POU2F2: variants seen among roughly 807,000 people sequenced by gnomAD.
POU2F2 encodes POU domain, class 2, transcription factor 2.
In POU2F2, 14 loss-of-function variants were observed where a neutral mutation model predicts 63.5. That is an observed-to-expected ratio of 0.22 (90% CI 0.15 to 0.34). The LOEUF (loss-of-function observed/expected upper bound fraction) is 0.34, where lower values mean the gene tolerates loss of function less well. Among genes scored for constraint, POU2F2 ranks in the 10% least tolerant of loss-of-function variants. The probability of loss-of-function intolerance (pLI) is 1.00; values close to 1 mark genes in which losing one functional copy is unlikely to be tolerated. For synonymous variants in POU2F2, 306 were observed against 348.6 expected (o/e 0.88, Z 1.36); for missense variants, 607 against 815.2 (o/e 0.74, Z 3.11).
At chr19:42,125,984 T>C (rs2033162203) in intron 1 of POU2F2, among the ~76,000 whole-genome samples, 1 of 152,210 alleles carries the variant, frequency 6.6e-6, no homozygotes, top group East Asian at 1.9e-4. Context: ...ACACTCATCC[T>C]TAACCTCTGC....
At chr19:42,161,594 AAG>A (rs1253313710) in intron 1 of POU2F2, among the ~76,000 whole-genome samples, 1 of 151,380 alleles carries the variant, frequency 6.6e-6, no homozygotes, top group Non-Finnish European at 1.5e-5. Flanking sequence ...GGGAGAGAGA[AAG>A]AGAAGAGATG....
chr19:42,185,443 A>T (rs1281622513), intron 1 of POU2F2, among the ~76,000 whole-genome samples: 1 of 151,842 alleles, frequency 6.6e-6, no homozygotes, highest in Non-Finnish European at 1.5e-5. Context: ...CAAAAGCCAA[A>T]CTCCTTAGTC....
chr19:42,095,758 C>T lies in POU2F2; in HGVS notation c.871+30G>A, dbSNP rs1398349213. 1.2e-6 allele frequency: 2 copies of T among 1,613,538 alleles called. No homozygotes were observed. Among genetic ancestry groups the T allele is most frequent in the Admixed American group, 3.3e-5 (2 of 60,004 alleles). ...CCGCGGCCAGCGGCCACTGCCCGCC[C>T]CCTACGCGGGAACCCCAGCCTGGTC... is the stretch of plus-strand genomic sequence containing the variant. On this transcript the variant is annotated intron_variant, in intron 9 of 14. Coordinates refer to ENST00000692977, the MANE Select transcript of POU2F2 (RefSeq NM_001394376.1). This position sits in a 1 kb window ranked among gnomAD's most constrained non-coding sequence, Gnocchi z 7.1.
chr19:42,161,825 G>C lies in POU2F2; in HGVS notation c.-69-1433C>G, dbSNP rs529103747. On this transcript the variant is annotated intron_variant, in intron 1 of 6. Coordinates refer to the POU2F2 transcript ENST00000524801. Reference sequence around the variant, plus strand: ...GAGCTGGGGTTGCTCCCCGCTCAGGGGCTGCTTCCCCCCAGCCCCCGCCCT... The same window carrying C: ...GAGCTGGGGTTGCTCCCCGCTCAGGCGCTGCTTCCCCCCAGCCCCCGCCCT... Among the ~76,000 whole-genome samples, 337 of 152,218 alleles carry C rather than the reference G, an allele frequency of 2.2e-3. 2 individuals are homozygous for C. The highest frequency in any genetic ancestry group is 6.7e-3 in the Admixed American group (102 of 15,288).
At chr19:42,148,316 A>T (rs766186197) in intron 2 of POU2F2, among the ~76,000 whole-genome samples, 2 of 152,218 alleles carry the variant, frequency 1.3e-5, no homozygotes, top group African/African-American at 2.4e-5. Context: ...TTTGACGGTA[A>T]TGCCAAAAAA....
At chr19:42,173,355 C>T (rs538114903) in intron 1 of POU2F2, among the ~76,000 whole-genome samples, 3 of 152,066 alleles carry the variant, frequency 2.0e-5, no homozygotes, top group African/African-American at 4.8e-5. Flanking sequence ...CTGCTCCCCT[C>T]GTTGCAAGTC....
intron 5 of POU2F2, among the ~76,000 whole-genome samples, chr19:42,102,140 C>T (rs948681974): frequency 5.3e-5 from 8 of 152,120 alleles, no homozygotes; most frequent in African/African-American, 1.7e-4. Context: ...ATAGCCCAAG[C>T]GCGCACAACA....
intron 1 of POU2F2, among the ~76,000 whole-genome samples, chr19:42,161,749 A>G (rs2034555361): frequency 6.6e-6 from 1 of 152,120 alleles, no homozygotes; most frequent in African/African-American, 2.4e-5. Flanking sequence ...CTGGGCCTTC[A>G]TCTTCAGGGG....
intron 5 of POU2F2, among the ~76,000 whole-genome samples, chr19:42,102,953 C>T (rs1033303016): frequency 6.6e-6 from 1 of 152,110 alleles, no homozygotes; most frequent in Non-Finnish European, 1.5e-5. Flanking sequence ...ATACTGAGGC[C>T]TGTGTTCATC....
chr19:42,128,582 G>A (rs536988844), intron 1 of POU2F2, among the ~76,000 whole-genome samples: 1 of 152,232 alleles, frequency 6.6e-6, no homozygotes, highest in African/African-American at 2.4e-5. Context: ...GAATGAACAG[G>A]GAGCTCCATT....
chr19:42,152,231 C>T lies in POU2F2; in HGVS notation c.-9+8101G>A, dbSNP rs2034366466. The stretch of plus-strand genomic sequence containing the variant: ...AAGAGACAGAAGGAAACAGGCAGAT[C>T]TTCTGTGCTTAAATTCTCCTATGAA... On this transcript the variant is annotated intron_variant, in intron 2 of 6. Transcript: ENST00000524801. This position sits in a 1 kb window ranked among gnomAD's most constrained non-coding sequence, Gnocchi z 4.1. 6.6e-6 allele frequency among the ~76,000 whole-genome samples: 1 copy of T among 152,112 alleles called. No individual in the cohort carries two copies. The highest frequency in any genetic ancestry group is 2.4e-5 in the African/African-American group (1 of 41,408).
At chr19:42,165,270 A>G (rs531465638) in intron 1 of POU2F2, among the ~76,000 whole-genome samples, 7 of 152,358 alleles carry the variant, frequency 4.6e-5, no homozygotes, top group Admixed American at 3.3e-4. Flanking sequence ...TGAATGGAGA[A>G]GAGCTCACTC....
intron 7 of POU2F2, 150 bp downstream of exon 7, chr19:42,099,377 G>C: frequency 1.4e-6 from 1 of 691,236 alleles, no homozygotes; most frequent in Admixed American, 2.4e-5. Context: ...CAGGGAGATG[G>C]GCTTGCCTGA....
chr19:42,147,358 C>A (rs970420293), intron 2 of POU2F2, among the ~76,000 whole-genome samples: 8 of 152,204 alleles, frequency 5.3e-5, no homozygotes, highest in African/African-American at 1.9e-4. Context: ...CCCATTAAAT[C>A]CTACTCGTCT....
At chr19:42,192,999 T>C (rs1278130654) in intron 1 of POU2F2, among the ~76,000 whole-genome samples, 1 of 151,268 alleles carries the variant, frequency 6.6e-6, no homozygotes, top group Non-Finnish European at 1.5e-5. Context: ...GGCGGGCGGA[T>C]CACGAAGTCA....
At chr19:42,194,758 CAAAAAAAAAAA>C (rs71167389) in intron 1 of POU2F2, among the ~76,000 whole-genome samples, 17 of 21,742 alleles carry the variant, frequency 7.8e-4, no homozygotes, top group African/African-American at 1.9e-3. Context: ...GACTCTGTCT[CAAAAAAAAAAA>C]AAAAAAAAAA....
chr19:42,171,719 G>A lies in POU2F2; in HGVS notation c.-70+4244C>T, dbSNP rs539940961. 2.0e-5 allele frequency among the ~76,000 whole-genome samples: 3 copies of A among 152,180 alleles called. No homozygotes were observed. The East Asian group carries it at 5.8e-4, about 29-fold the overall frequency. ...TGCCACATGAGTCTGCACCCCGGGT[G>A]GGGGAGGGTCCCCAGTCTGCTCTTA... On this transcript the variant is annotated intron_variant, in intron 1 of 6. Transcript: ENST00000524801.
chr19:42,181,038 C>T (rs1042771051), intron 1 of POU2F2, among the ~76,000 whole-genome samples: 2 of 152,122 alleles, frequency 1.3e-5, no homozygotes, highest in African/African-American at 4.8e-5. Context: ...GTCTGTGGTC[C>T]ACAACCTATG....
At position 42,092,354 on chromosome 19, in the gene POU2F2, T is replaced by C. The variant is rs1043912076; in HGVS notation, c.1265-84A>G. On this transcript the variant is annotated intron_variant, in intron 12 of 14. Coordinates refer to ENST00000692977, the MANE Select transcript of POU2F2 (RefSeq NM_001394376.1). The surrounding 1 kb of genome is among the most constrained non-coding windows in gnomAD (Gnocchi z 5.0). ...ACCTGGGGTCAGCTCCTACTTGTCC[T>C]CCCGCCCAGCTCACGCAGCATCTCC... 12 of 1,054,412 alleles carry C rather than the reference T, an allele frequency of 1.1e-5. No homozygotes were observed. The African/African-American group carries it at 1.9e-4, about 17-fold the overall frequency. The allele number at this position is 1,054,412 out of a possible 1,614,324, so 65.3% of individuals were successfully genotyped here.
Sources: allele counts gnomAD v4.1 joint callset (sites outside exome capture counted in the v4.1 genomes callset), GRCh38; gene constraint gnomAD v4.1.1; non-coding constraint Gnocchi (gnomAD v3.1); transcripts MANE v1.5; gene names NCBI Gene and HGNC (gene_info 2026-07-23, HGNC 2026-07-21).